XYLT1: variants seen among roughly 807,000 people sequenced by gnomAD.
The protein encoded by XYLT1 is beta-D-xylosyltransferase 1.
Under a neutral mutation model 91.3 loss-of-function variants are expected in XYLT1, and 36 were observed. That is an observed-to-expected ratio of 0.39 (90% CI 0.30 to 0.52). The LOEUF (loss-of-function observed/expected upper bound fraction) is 0.52, where lower values mean the gene tolerates loss of function less well. Ranked by LOEUF, XYLT1 falls within the 20% of genes least tolerant of loss-of-function variation. XYLT1 has a pLI of 0.68. For missense variants in XYLT1, 1,242 were observed against 1,284.5 expected (o/e 0.97, Z 0.51); for synonymous variants, 588 against 532.0 (o/e 1.11, Z -1.45).
intron 3 of XYLT1, among the ~76,000 whole-genome samples, chr16:17,202,533 C>A (rs778223058): frequency 6.6e-6 from 1 of 152,146 alleles, no homozygotes; most frequent in Non-Finnish European, 1.5e-5. Context: ...TGCCTTAGGA[C>A]CTTCTCCCTG....
At chr16:17,200,295 T>G (rs1157685315) in intron 4 of XYLT1, among the ~76,000 whole-genome samples, 187 bp downstream of exon 4, 1 of 152,068 alleles carries the variant, frequency 6.6e-6, no homozygotes, top group South Asian at 2.1e-4. Flanking sequence ...GCTGGAAACT[T>G]TGAAACCAAC....
intron 1 of XYLT1, among the ~76,000 whole-genome samples, chr16:17,402,743 CTT>C (rs368996011): frequency 2.9e-5 from 4 of 136,288 alleles, no homozygotes; most frequent in African/African-American, 5.4e-5. Flanking sequence ...TTTTTCTTTT[CTT>C]TTTTTTTTTT....
At chr16:17,272,602 T>G (rs1387829736) in intron 2 of XYLT1, among the ~76,000 whole-genome samples, 1 of 152,190 alleles carries the variant, frequency 6.6e-6, no homozygotes, top group African/African-American at 2.4e-5. Flanking sequence ...AGAGATTTCA[T>G]CTAAAACTTT....
At chr16:17,402,476 T>C (rs2035982509) in intron 1 of XYLT1, among the ~76,000 whole-genome samples, 1 of 152,168 alleles carries the variant, frequency 6.6e-6, no homozygotes, top group Admixed American at 6.5e-5. Context: ...ATAATGTTTT[T>C]TAAAAGATAG....
At chr16:17,252,002 G>A (rs1442662651) in intron 3 of XYLT1, among the ~76,000 whole-genome samples, 1 of 152,132 alleles carries the variant, frequency 6.6e-6, no homozygotes, top group African/African-American at 2.4e-5. Flanking sequence ...GCAAGACGTG[G>A]CTGCACAATG....
intron 2 of XYLT1, among the ~76,000 whole-genome samples, chr16:17,272,353 G>A (rs1448398482): frequency 2.6e-5 from 4 of 151,678 alleles, no homozygotes; most frequent in Admixed American, 6.6e-5. Flanking sequence ...TAGTAGAGAC[G>A]CGGTTTCACC....
chr16:17,180,301 G>C (rs971351164), intron 5 of XYLT1, among the ~76,000 whole-genome samples: 5 of 152,208 alleles, frequency 3.3e-5, no homozygotes, highest in Admixed American at 3.3e-4. Flanking sequence ...CTATTTAGCT[G>C]TAGGTGTCCA....
chr16:17,192,699 T>G (rs1247433262), intron 5 of XYLT1, among the ~76,000 whole-genome samples: 1 of 152,008 alleles, frequency 6.6e-6, no homozygotes, highest in African/African-American at 2.4e-5. Context: ...CTCTAAACAC[T>G]CTCAGCTTGC....
At chr16:17,139,570 C>T (rs1313632141) in intron 7 of XYLT1, among the ~76,000 whole-genome samples, 2 of 152,152 alleles carry the variant, frequency 1.3e-5, no homozygotes, top group Admixed American at 1.3e-4. Flanking sequence ...GCCGCCACCC[C>T]CTGCTGACCT....
At chr16:17,204,407 C>T (rs569236439) in intron 3 of XYLT1, among the ~76,000 whole-genome samples, 2 of 146,242 alleles carry the variant, frequency 1.4e-5, no homozygotes, top group East Asian at 2.2e-4. Context: ...GACAGTTAGT[C>T]TGGGGAGCTG....
At chr16:17,267,110 G>A (rs1413272770) in intron 2 of XYLT1, among the ~76,000 whole-genome samples, 1 of 152,222 alleles carries the variant, frequency 6.6e-6, no homozygotes, top group East Asian at 1.9e-4. Flanking sequence ...AGCACAGGGT[G>A]AGGCAGGAAG....
chr16:17,122,067 CGT>C (rs1378577432), intron 10 of XYLT1, among the ~76,000 whole-genome samples: 4 of 152,038 alleles, frequency 2.6e-5, no homozygotes, highest in African/African-American at 9.7e-5. Flanking sequence ...TATAAACATG[CGT>C]GTGCAAGAAT....
At chr16:17,241,661 T>C (rs1225743025) in intron 3 of XYLT1, among the ~76,000 whole-genome samples, 2 of 152,314 alleles carry the variant, frequency 1.3e-5, no homozygotes, top group South Asian at 2.1e-4. Flanking sequence ...TTGGAACTGA[T>C]GGGGCACCCC....
At chr16:17,201,421 C>A (rs1439960830) in intron 3 of XYLT1, among the ~76,000 whole-genome samples, 1 of 151,990 alleles carries the variant, frequency 6.6e-6, no homozygotes, top group Non-Finnish European at 1.5e-5. Flanking sequence ...AGTTAATTAA[C>A]CAATAAGACA....
chr16:17,302,208 A>ATACTAC (rs200286825), intron 2 of XYLT1, among the ~76,000 whole-genome samples: 3 of 151,730 alleles, frequency 2.0e-5, no homozygotes, highest in East Asian at 1.9e-4. Context: ...CGATCTCAAA[A>ATACTAC]TACTACTACT....
chr16:17,240,281 G>C (rs990177168), intron 3 of XYLT1, among the ~76,000 whole-genome samples: 1 of 152,156 alleles, frequency 6.6e-6, no homozygotes, highest in South Asian at 2.1e-4. Context: ...GAGAATAAAG[G>C]GAGATAAGGT....
rs191266136 is a variant in XYLT1 at position 17,312,899 on chromosome 16, T to C, written c.402+45113A>G. 1.0e-3 allele frequency among the ~76,000 whole-genome samples: 158 copies of C among 152,346 alleles called. No individual in the cohort carries two copies. Among genetic ancestry groups the C allele is most frequent in the African/African-American group, 3.6e-3 (148 of 41,580 alleles). ...TCAGAGATGTTTCTGAGGGTACTCA[T>C]ATTTGAAAAGGACTTCTAGGTGTCA... On this transcript the variant is annotated intron_variant, in intron 2 of 11. Transcript: ENST00000261381. This position sits in a 1 kb window ranked among gnomAD's most constrained non-coding sequence, Gnocchi z 4.4.
intron 3 of XYLT1, among the ~76,000 whole-genome samples, chr16:17,242,089 C>G (rs2033353420): frequency 6.6e-6 from 1 of 152,096 alleles, no homozygotes. Context: ...AAAGACCCAC[C>G]CCCGTGATTC....
chr16:17,368,902 C>T (rs2035489851), intron 1 of XYLT1, among the ~76,000 whole-genome samples: 1 of 151,748 alleles, frequency 6.6e-6, no homozygotes. Flanking sequence ...CTCTTGATGA[C>T]ATTAAGTATT....
Sources: gnomAD v4.1 joint callset for allele counts (sites outside exome capture counted in the v4.1 genomes callset) on GRCh38, gnomAD v4.1.1 for gene constraint, Gnocchi (gnomAD v3.1) non-coding constraint, MANE v1.5 for transcripts, NCBI Gene and HGNC (gene_info 2026-07-23, HGNC 2026-07-21) for gene names.